Variants in RUBCNL observed in about 807,000 individuals in gnomAD.
RUBCNL encodes rubicon like autophagy enhancer.
In RUBCNL, 62 loss-of-function variants were observed where a neutral mutation model predicts 69.5. The ratio of observed to expected loss-of-function variants is 0.89; its 90% CI spans 0.73 to 1.10. The LOEUF (loss-of-function observed/expected upper bound fraction) is 1.10, where lower values mean the gene tolerates loss of function less well. Ranked by LOEUF, RUBCNL falls within the 50% of genes least tolerant of loss-of-function variation. The probability of loss-of-function intolerance (pLI) is 0.00; values close to 1 mark genes in which losing one functional copy is unlikely to be tolerated. For synonymous variants in RUBCNL, 291 were observed against 303.6 expected, an observed-to-expected ratio of 0.96 and a Z score of 0.43; for missense variants, 768 against 798.1, an observed-to-expected ratio of 0.96 and a Z score of 0.45.
chr13:46,389,446 G>A (rs1402950338), upstream of RUBCNL, among the ~76,000 whole-genome samples: 1 of 152,200 alleles, frequency 6.6e-6, no homozygotes, highest in African/African-American at 2.4e-5. This position sits in a 1 kb window ranked among gnomAD's most constrained non-coding sequence, Gnocchi z 4.2. Flanking sequence ...AAGAGGAAAT[G>A]TCATGCCAGG....
In RUBCNL at chr13:46,343,202, C is replaced by A; in HGVS notation, c.*183G>T. 2.0e-6 allele frequency: 2 copies of A among 990,078 alleles called. No homozygotes were observed. The highest frequency in any genetic ancestry group is 2.9e-6 in the Non-Finnish European group (2 of 686,558). 61.3% of individuals were successfully genotyped at this position (990,078 alleles called of 1,614,324 possible). A position where few individuals can be genotyped will look rare whatever the true frequency, so the allele number is the denominator to read the frequency against. On this transcript the variant is annotated 3_prime_UTR_variant, in exon 15 of 15. Coordinates refer to ENST00000429979, the MANE Select transcript of RUBCNL (RefSeq NM_025113.5). ...GTAAACAAAACCACAACTATCAGCC[C>A]TGTGCTTAAACACAGAATCTGCATT...
At chr13:46,373,511 A>G (rs992984142) in intron 2 of RUBCNL, among the ~76,000 whole-genome samples, 2 of 152,222 alleles carry the variant, frequency 1.3e-5, no homozygotes, top group African/African-American at 4.8e-5. Context: ...CTCAGATTTT[A>G]GCTTTAGTGA....
chr13:46,338,693 G>A lies in RUBCNL; in HGVS notation c.*4692C>T, dbSNP rs1423409868. ...AACAAGACCATGGAGGCAGGAACAC[G>A]GCAGGACTAGAAAAGAGGGGGCAGC... On this transcript the variant is annotated 3_prime_UTR_variant, in exon 15 of 15. Coordinates refer to ENST00000429979, the MANE Select transcript of RUBCNL (RefSeq NM_025113.5). 2.0e-5 allele frequency among the ~76,000 whole-genome samples: 3 copies of A among 152,046 alleles called. No homozygotes were observed. The highest frequency in any genetic ancestry group is 4.4e-5 in the Non-Finnish European group (3 of 68,008).
chr13:46,344,624 A>C (rs2048204754), intron 14 of RUBCNL, 117 bp downstream of exon 14: 1 of 703,320 alleles, frequency 1.4e-6, no homozygotes, highest in African/African-American at 1.8e-5. Context: ...ACTTTAAATA[A>C]CTGTGCTTAA....
chr13:46,365,696 C>T (rs1356980673), intron 5 of RUBCNL, among the ~76,000 whole-genome samples: 5 of 152,172 alleles, frequency 3.3e-5, no homozygotes, highest in African/African-American at 1.2e-4. Flanking sequence ...CAGTCTAGTT[C>T]AACTACAGCC....
chr13:46,377,200 T>C (rs754274556), intron 2 of RUBCNL, among the ~76,000 whole-genome samples: 1 of 152,236 alleles, frequency 6.6e-6, no homozygotes, highest in Non-Finnish European at 1.5e-5. Context: ...ACTATAGATG[T>C]GAAATCACAT....
intron 1 of RUBCNL, among the ~76,000 whole-genome samples, chr13:46,381,213 G>C (rs1163857390): frequency 6.6e-6 from 1 of 152,136 alleles, no homozygotes; most frequent in Non-Finnish European, 1.5e-5. Flanking sequence ...GGAAACAAAT[G>C]AAATGACCAT....
chr13:46,389,312 A>G (rs765990934), upstream of RUBCNL, among the ~76,000 whole-genome samples: 62 of 152,200 alleles, frequency 4.1e-4, 1 homozygote, highest in Non-Finnish European at 5.9e-5. The surrounding 1 kb of genome is among the most constrained non-coding windows in gnomAD (Gnocchi z 4.2). Context: ...CCTATGTCCA[A>G]TTTCCACCAT....
chr13:46,355,235 A>G (rs1044101209), intron 10 of RUBCNL, among the ~76,000 whole-genome samples: 2 of 152,018 alleles, frequency 1.3e-5, no homozygotes, highest in Non-Finnish European at 2.9e-5. Flanking sequence ...ATCAGAGCAG[A>G]ACAAGTGATT....
In RUBCNL at chr13:46,341,553, A is replaced by G. The variant is rs372002651; in HGVS notation, c.*1832T>C. Among the ~76,000 whole-genome samples the G allele has an allele frequency of 6.6e-6, 1 of 152,226 alleles. No individual in the cohort carries two copies. The highest frequency in any genetic ancestry group is 2.4e-5 in the African/African-American group (1 of 41,436). ...GGCAACTGCTGTGCACTCTTCCTTA[A>G]TATCAAAGATATGTAACACACACAG... On this transcript the variant is annotated 3_prime_UTR_variant, in exon 15 of 15. Coordinates refer to ENST00000429979, the MANE Select transcript of RUBCNL (RefSeq NM_025113.5).
Position 46,371,974 on chromosome 13 carries a change from C to CA in RUBCNL, c.501dup (p.Glu168Ter). ...GCAGCAGATGTCAGATGGGAAGGCT[C>CA]AAAAAAAGCACTGTCAGTCTCAGGA... is the stretch of plus-strand genomic sequence containing the variant. On this transcript the variant is annotated frameshift_variant, in exon 3 of 15. Coordinates refer to ENST00000429979, the MANE Select transcript of RUBCNL (RefSeq NM_025113.5). LOFTEE classifies it high-confidence loss of function. The CA allele has an allele frequency of 6.2e-7, 1 of 1,613,838 alleles. No individual in the cohort carries two copies.
rs2048115032 is a variant in RUBCNL, at chr13:46,338,013, T to C, written c.*5372A>G. Among the ~76,000 whole-genome samples the C allele has an allele frequency of 6.6e-6, 1 of 151,918 alleles. No homozygotes were observed. Among genetic ancestry groups the C allele is most frequent in the African/African-American group, 2.4e-5 (1 of 41,344 alleles). ...CAAAAGTTCAGAGAGCTGTCCCCAG[T>C]AGAATAATGAGGTAAATGCAGATAT... is the stretch of plus-strand genomic sequence containing the variant. On this transcript the variant is annotated 3_prime_UTR_variant, in exon 15 of 15. Coordinates refer to ENST00000429979, the MANE Select transcript of RUBCNL (RefSeq NM_025113.5).
In RUBCNL at chr13:46,340,219, A is replaced by C. The variant is rs2048132097; in HGVS notation, c.*3166T>G. Among the ~76,000 whole-genome samples the C allele has an allele frequency of 6.6e-6, 1 of 152,168 alleles. No homozygotes were observed. Among genetic ancestry groups the C allele is most frequent in the South Asian group, 2.1e-4 (1 of 4,832 alleles). On this transcript the variant is annotated 3_prime_UTR_variant, in exon 15 of 15. Coordinates refer to ENST00000429979, the MANE Select transcript of RUBCNL (RefSeq NM_025113.5). Reference sequence around the variant, plus strand: ...CTCTGCAAAGACCCTACTTCCCAAAAGGCCACAGCACAGACACCAGCATAG... The same window carrying C: ...CTCTGCAAAGACCCTACTTCCCAAACGGCCACAGCACAGACACCAGCATAG...
At position 46,342,703 on chromosome 13, in the gene RUBCNL, G is replaced by A. The variant is rs1337885437; in HGVS notation, c.*682C>T. ...TGCATCCCTTGACATTGCAGTGTGT[G>A]GAACAGAGATGACAAATACAGGTTC... On this transcript the variant is annotated 3_prime_UTR_variant, in exon 15 of 15. Transcript: ENST00000429979. 6.6e-6 allele frequency: 1 copy of A among 152,252 alleles called. No individual in the cohort carries two copies. The highest frequency in any genetic ancestry group is 1.5e-5 in the Non-Finnish European group (1 of 68,094). The allele number at this position is 152,252 out of a possible 1,614,324, so 9.4% of individuals were successfully genotyped here.
At chr13:46,387,646 G>A (rs991876266), upstream of RUBCNL, 3 of 985,452 alleles carry the variant, frequency 3.0e-6, no homozygotes, top group Non-Finnish European at 3.6e-6. Flanking sequence ...TAATCTGGAT[G>A]AGTCGGCCCT....
chr13:46,348,398 T>A (rs918260199), intron 12 of RUBCNL, among the ~76,000 whole-genome samples: 2 of 152,056 alleles, frequency 1.3e-5, no homozygotes, highest in Non-Finnish European at 2.9e-5. Context: ...CTGGCTAGAG[T>A]TGTTCATCCT....
At chr13:46,347,762 C>T (rs936543083) in intron 12 of RUBCNL, among the ~76,000 whole-genome samples, 1 of 151,978 alleles carries the variant, frequency 6.6e-6, no homozygotes, top group Non-Finnish European at 1.5e-5. Flanking sequence ...GAGGCCGAGG[C>T]GGGCAGATCA....
chr13:46,352,107 C>T (rs529928425), intron 10 of RUBCNL, among the ~76,000 whole-genome samples: 20 of 152,230 alleles, frequency 1.3e-4, no homozygotes, highest in Non-Finnish European at 2.2e-4. Flanking sequence ...GGATTACAGG[C>T]GTGAGCCACC....
Position 46,359,502 on chromosome 13 carries a change from T to C in RUBCNL, c.1249A>G (p.Ile417Val), listed in dbSNP as rs749197990. ...CATACTTACTTGAGTGGTGGATGAA[T>C]ATTAAATATGATTTGAAATCTAGGA... is the stretch of plus-strand genomic sequence containing the variant. ...APPRFQIIFN[I>V]HPPLKRDLVV... The change falls in exon 9 of 15, where the codon ATT becomes GTT. Residue 417 changes from isoleucine (I) to valine (V), a missense_variant. By Grantham distance (29) the Ile-to-Val change is conservative. Transcript: ENST00000429979. 1 of 1,602,672 alleles carries C rather than the reference T, an allele frequency of 6.2e-7. No homozygotes were observed. The highest frequency in any genetic ancestry group is 1.7e-5 in the Admixed American group (1 of 58,296).
Sources: gnomAD v4.1 joint callset for allele counts (sites outside exome capture counted in the v4.1 genomes callset) on GRCh38, gnomAD v4.1.1 for gene constraint, Gnocchi (gnomAD v3.1) non-coding constraint, MANE v1.5 for transcripts, NCBI Gene and HGNC (gene_info 2026-07-23, HGNC 2026-07-21) for gene names.